Variants in EPHA6 observed in about 807,000 individuals in gnomAD.
The protein encoded by EPHA6 is ephrin type-A receptor 6.
Under a neutral mutation model 112.0 loss-of-function variants are expected in EPHA6, and 50 were observed. The ratio of observed to expected loss-of-function variants is 0.45; its 90% confidence interval spans 0.36 to 0.56. The LOEUF (loss-of-function observed/expected upper bound fraction) is 0.56. Ranked by LOEUF, EPHA6 falls within the 20% of genes least tolerant of loss-of-function variation. EPHA6 has a pLI of 0.00. For synonymous variants in EPHA6, 529 were observed against 490.7 expected (o/e 1.08, Z -1.03); for missense variants, 1,280 against 1,417.4 (o/e 0.90, Z 1.56).
chr3:96,844,615 G>T (rs1203510036), intron 1 of EPHA6, among the ~76,000 whole-genome samples: 1 of 151,936 alleles, frequency 6.6e-6, no homozygotes, highest in Non-Finnish European at 1.5e-5. Flanking sequence ...GTTTTGATCA[G>T]AAAACAGTGA....
chr3:97,270,692 A>G (rs1428387897), intron 5 of EPHA6, among the ~76,000 whole-genome samples: 3 of 152,188 alleles, frequency 2.0e-5, no homozygotes, highest in African/African-American at 7.2e-5. Flanking sequence ...GCTTTTATTC[A>G]GTTTCTTAAC....
intron 3 of EPHA6, among the ~76,000 whole-genome samples, chr3:97,103,631 G>C (rs972954649): frequency 6.6e-6 from 1 of 151,920 alleles, no homozygotes; most frequent in Non-Finnish European, 1.5e-5. Flanking sequence ...GCTCTTTTTT[G>C]GTTCCATATA....
At chr3:97,635,859 G>A (rs947402025) in intron 13 of EPHA6, among the ~76,000 whole-genome samples, 1 of 152,000 alleles carries the variant, frequency 6.6e-6, no homozygotes, top group Admixed American at 6.6e-5. Context: ...GACACACTCG[G>A]CATAGATAGA....
intron 5 of EPHA6, among the ~76,000 whole-genome samples, chr3:97,262,287 T>TA (rs1252902697): frequency 6.6e-6 from 1 of 152,136 alleles, no homozygotes; most frequent in Non-Finnish European, 1.5e-5. Context: ...AACTCTAAAT[T>TA]ACCCTCTATC....
At position 96,994,759 on chromosome 3, in the gene EPHA6, A is replaced by AGAGAGAGCGAGC. The variant is rs763682996; in HGVS notation, c.1114+6769_1114+6770insAGAGCGAGCGAG. Among the ~76,000 whole-genome samples the AGAGAGAGCGAGC allele has an allele frequency of 1.4e-3, 168 of 116,212 alleles. 4 individuals are homozygous for AGAGAGAGCGAGC. Among genetic ancestry groups the AGAGAGAGCGAGC allele is most frequent in the African/African-American group, 5.0e-3 (141 of 28,170 alleles). The allele number at this position is 116,212 out of a possible 152,430, so 76.2% of individuals were successfully genotyped here. On this transcript the variant is annotated intron_variant, in intron 3 of 17. Coordinates refer to ENST00000389672, the MANE Select transcript of EPHA6 (RefSeq NM_001080448.3). ...GAGAGAGAGAGAGAGAGAGAGAGAG[A>AGAGAGAGCGAGC]GAGCTATATATATACCTACAGGCTG...
rs190110057 is a variant in EPHA6, at chr3:97,222,405, G to A, written c.1115-3859G>A. Among the ~76,000 whole-genome samples, 131 of 152,252 alleles carry A rather than the reference G, an allele frequency of 8.6e-4. 1 individual carries two copies. Among genetic ancestry groups the A allele is most frequent in the African/African-American group, 2.7e-3 (114 of 41,552 alleles). The stretch of plus-strand genomic sequence containing the variant: ...TTTAGGATTTCAAAGGCAAGTTGAT[G>A]TACAAAAACATTTGAAATCAGGGAT... On this transcript the variant is annotated intron_variant, in intron 3 of 17. Coordinates refer to ENST00000389672, the MANE Select transcript of EPHA6 (RefSeq NM_001080448.3).
At chr3:97,438,899 G>A (rs1400449414) in intron 6 of EPHA6, among the ~76,000 whole-genome samples, 7 of 152,090 alleles carry the variant, frequency 4.6e-5, no homozygotes, top group Non-Finnish European at 1.0e-4. Context: ...CTACAACTAG[G>A]ACTCTATTGG....
At chr3:97,704,933 T>C (rs1037425134) in intron 14 of EPHA6, among the ~76,000 whole-genome samples, 1 of 152,192 alleles carries the variant, frequency 6.6e-6, no homozygotes, top group Non-Finnish European at 1.5e-5. Context: ...AAGATTTTCT[T>C]ATCTACTCTC....
intron 6 of EPHA6, among the ~76,000 whole-genome samples, chr3:97,447,305 A>G (rs762161290): frequency 2.0e-5 from 3 of 152,132 alleles, no homozygotes; most frequent in Non-Finnish European, 2.9e-5. Context: ...CTAGTTGGGA[A>G]GGTCTCCTAA....
chr3:97,742,396 A>C (rs1233484050), intron 16 of EPHA6, among the ~76,000 whole-genome samples: 1 of 152,122 alleles, frequency 6.6e-6, no homozygotes, highest in Non-Finnish European at 1.5e-5. Flanking sequence ...GAATTATGGG[A>C]AATTCTTTAT....
intron 5 of EPHA6, among the ~76,000 whole-genome samples, chr3:97,278,478 A>C (rs1435380964): frequency 6.6e-6 from 1 of 152,220 alleles, no homozygotes; most frequent in Non-Finnish European, 1.5e-5. Flanking sequence ...TTGCGTTTTC[A>C]TCTAGCCATA....
At chr3:97,512,032 A>G (rs2092373256) in intron 10 of EPHA6, among the ~76,000 whole-genome samples, 1 of 152,194 alleles carries the variant, frequency 6.6e-6, no homozygotes, top group African/African-American at 2.4e-5. Flanking sequence ...AAATAAAATA[A>G]TGAAGCATAA....
At chr3:97,260,901 A>T (rs1408645124) in intron 5 of EPHA6, among the ~76,000 whole-genome samples, 5 of 152,242 alleles carry the variant, frequency 3.3e-5, no homozygotes, top group African/African-American at 1.2e-4. Flanking sequence ...AGGAATTTAA[A>T]TGAAGAGTGA....
chr3:97,209,751 G>T (rs2077815750), intron 3 of EPHA6, among the ~76,000 whole-genome samples: 1 of 152,188 alleles, frequency 6.6e-6, no homozygotes, highest in African/African-American at 2.4e-5. Flanking sequence ...TTGTAAATTT[G>T]TTGCTAAGGC....
At chr3:97,301,588 C>A (rs894595402) in intron 5 of EPHA6, among the ~76,000 whole-genome samples, 2 of 152,096 alleles carry the variant, frequency 1.3e-5, no homozygotes, top group African/African-American at 2.4e-5. Context: ...AACTAGGTTT[C>A]AAACCCAGGC....
At position 97,759,370 on chromosome 3, in the gene EPHA6, C is replaced by T. The variant is rs566128076; in HGVS notation, c.*10669C>T. Among the ~76,000 whole-genome samples the T allele has an allele frequency of 2.0e-5, 3 of 152,102 alleles. No homozygotes were observed. In the East Asian group the frequency reaches 5.8e-4, roughly 29 times the overall value. ...AGGTGAAATCACTATCTATAAACAA[C>T]TCTCTCAAAAAGCTTTGATGTAAAG... On this transcript the variant is annotated 3_prime_UTR_variant, in exon 18 of 18. Coordinates refer to ENST00000389672, the MANE Select transcript of EPHA6 (RefSeq NM_001080448.3).
chr3:97,561,951 T>C (rs967958635), intron 11 of EPHA6, among the ~76,000 whole-genome samples: 2 of 152,152 alleles, frequency 1.3e-5, no homozygotes, highest in Non-Finnish European at 1.5e-5. Context: ...GCAACAAAGC[T>C]TGCATGACAG....
chr3:97,736,526 T>A (rs1052993389), intron 16 of EPHA6, among the ~76,000 whole-genome samples: 3 of 150,934 alleles, frequency 2.0e-5, no homozygotes, highest in African/African-American at 4.9e-5. Flanking sequence ...CCCTTTAATT[T>A]TCTTGCCTAT....
At chr3:97,393,941 A>G (rs2086561762) in intron 5 of EPHA6, among the ~76,000 whole-genome samples, 2 of 151,838 alleles carry the variant, frequency 1.3e-5, no homozygotes. Flanking sequence ...ATCATTGTGT[A>G]TATAGACCAT....
Sources: gnomAD v4.1 joint callset for allele counts (sites outside exome capture counted in the v4.1 genomes callset) on GRCh38, gnomAD v4.1.1 for gene constraint, MANE v1.5 for transcripts, NCBI Gene and HGNC (gene_info 2026-07-23, HGNC 2026-07-21) for gene names.